The following RERE variants were observed in gnomAD, a reference collection of about 807,000 sequenced individuals.
RERE encodes arginine-glutamic acid dipeptide repeats.
RERE carries 40 observed loss-of-function variants against 146.1 expected under a neutral mutation model. The observed-to-expected ratio is 0.27, with a 90% CI of 0.21 to 0.36. RERE has a LOEUF of 0.36. Among genes scored for constraint, RERE ranks in the 10% least tolerant of loss-of-function variants. The probability of loss-of-function intolerance (pLI) is 1.00; values close to 1 mark genes in which losing one functional copy is unlikely to be tolerated. For synonymous variants in RERE, 1,003 were observed against 866.0 expected (o/e 1.16, Z -2.78); for missense variants, 1,933 against 2,138.7 (o/e 0.90, Z 1.90).
At position 8,798,587 on chromosome 1, in the gene RERE, C is replaced by T. The variant is rs1225465536; in HGVS notation, c.-145+18573G>A. On this transcript the variant is annotated intron_variant, in intron 1 of 22. Transcript: ENST00000400908. ...GAACACTGATGATGGCACCTCAGAT[C>T]GCCCTTACAGCCATGCTCTGGTGGC... 5 of 220,102 alleles carry T rather than the reference C, an allele frequency of 2.3e-5. No individual in the cohort carries two copies. In the South Asian group the frequency reaches 2.4e-4, roughly 11 times the overall value. 13.6% of individuals were successfully genotyped at this position (220,102 alleles called of 1,614,324 possible). A position where few individuals can be genotyped will look rare whatever the true frequency, so the allele number is the denominator to read the frequency against.
Position 8,360,719 on chromosome 1 carries a change from G to A in RERE, c.2788C>T (p.Pro930Ser), listed in dbSNP as rs1404382347. Reference sequence around the variant, plus strand: ...TGGGGGATGGGAGTGGTAGGCGGGGGCTTGATGTGGGGCATGGCCAAGGGC... The same window carrying A: ...TGGGGGATGGGAGTGGTAGGCGGGGACTTGATGTGGGGCATGGCCAAGGGC... ...PAPLAMPHIK[P>S]PPTTPIPQLP... Residue 930 changes from proline to serine, a missense_variant, in exon 18 of 23, where the codon CCC becomes TCC. Coordinates refer to ENST00000400908, the MANE Select transcript of RERE (RefSeq NM_001042681.2). 1.3e-6 allele frequency: 2 copies of A among 1,588,326 alleles called. No individual in the cohort carries two copies. Among genetic ancestry groups the A allele is most frequent in the Non-Finnish European group, 8.6e-7 (1 of 1,169,174 alleles).
At chr1:8,643,120 G>C (rs1236091266) in intron 2 of RERE, among the ~76,000 whole-genome samples, 2 of 152,268 alleles carry the variant, frequency 1.3e-5, no homozygotes, top group Middle Eastern at 3.4e-3. Context: ...TGTGAAAGGT[G>C]GGGGGATCCA....
At chr1:8,392,134 A>C (rs1246529090) in intron 12 of RERE, among the ~76,000 whole-genome samples, 2 of 152,242 alleles carry the variant, frequency 1.3e-5, no homozygotes, top group African/African-American at 4.8e-5. Context: ...ATCTTCAGTA[A>C]ATATCTGTAA....
chr1:8,503,087 A>AAAATAAATAAATAAAT (rs199506860), intron 8 of RERE, among the ~76,000 whole-genome samples: 2 of 144,600 alleles, frequency 1.4e-5, no homozygotes, highest in Admixed American at 6.9e-5. Flanking sequence ...TGATCAATTA[A>AAAATAAATAAATAAAT]AAATAAATAA....
At chr1:8,773,669 C>T (rs1479373909) in intron 1 of RERE, among the ~76,000 whole-genome samples, 2 of 152,098 alleles carry the variant, frequency 1.3e-5, no homozygotes, top group Non-Finnish European at 1.5e-5. Context: ...ACTAAAAACA[C>T]AAAAATTAGC....
intron 7 of RERE, among the ~76,000 whole-genome samples, chr1:8,526,477 A>C (rs1163666889): frequency 6.6e-6 from 1 of 152,168 alleles, no homozygotes; most frequent in Non-Finnish European, 1.5e-5. Context: ...TTGAAACTCT[A>C]AACATTTTGA....
At chr1:8,601,037 T>TTTTTTTA (rs1646617227) in intron 4 of RERE, among the ~76,000 whole-genome samples, 1 of 148,694 alleles carries the variant, frequency 6.7e-6, no homozygotes, top group Non-Finnish European at 1.5e-5. Context: ...TTTTTTTTTT[T>TTTTTTTA]GAGACAGAGT....
At chr1:8,469,864 G>A (rs994632854) in intron 10 of RERE, among the ~76,000 whole-genome samples, 1 of 152,164 alleles carries the variant, frequency 6.6e-6, no homozygotes, top group South Asian at 2.1e-4. Context: ...CCGTTTGTTA[G>A]AGAGCATGGC....
chr1:8,559,751 C>CA (rs1422678457), intron 4 of RERE, among the ~76,000 whole-genome samples: 3 of 152,162 alleles, frequency 2.0e-5, no homozygotes, highest in Non-Finnish European at 4.4e-5. Flanking sequence ...CATCTGCATG[C>CA]ATCAACGAAG....
chr1:8,554,834 G>C (rs1048832250), intron 6 of RERE, among the ~76,000 whole-genome samples: 1 of 151,418 alleles, frequency 6.6e-6, no homozygotes, highest in Non-Finnish European at 1.5e-5. Context: ...TAAGTCACCA[G>C]TCCCAGCTAA....
intron 1 of RERE, among the ~76,000 whole-genome samples, chr1:8,808,800 G>T (rs1048905135): frequency 6.6e-6 from 1 of 152,158 alleles, no homozygotes; most frequent in African/African-American, 2.4e-5. Context: ...TCCAGAGAGA[G>T]ATTTTCAAAA....
chr1:8,654,162 C>T (rs1214133375), intron 2 of RERE, among the ~76,000 whole-genome samples: 1 of 151,914 alleles, frequency 6.6e-6, no homozygotes, highest in East Asian at 1.9e-4. Flanking sequence ...ACCTCAGCCT[C>T]CTGAGTAGCT....
chr1:8,361,247 C>G lies in RERE; in HGVS notation c.2260G>C (p.Ala754Pro), dbSNP rs993955645. 1.3e-6 allele frequency: 2 copies of G among 1,563,338 alleles called. No individual in the cohort carries two copies. Among genetic ancestry groups the G allele is most frequent in the African/African-American group, 2.7e-5 (2 of 73,820 alleles). Reference sequence around the variant, plus strand: ...GGCAGCTGAGGGGTCCCTGGAGGAGCTGAGGAGGGAGCTGGGGTGACCCCA... The same window carrying G: ...GGCAGCTGAGGGGTCCCTGGAGGAGGTGAGGAGGGAGCTGGGGTGACCCCA... ...PTGVTPAPSS[A>P]PPGTPQLPTP... The change falls in exon 18 of 23, where the codon GCT (alanine) becomes CCT (proline). Residue 754 changes from alanine (A) to proline (P), a missense_variant. This residue lies in a region of RERE where 1,255 missense variants were observed against 1,153.8 expected (regional missense o/e 1.09). Coordinates refer to ENST00000400908, the MANE Select transcript of RERE (RefSeq NM_001042681.2).
chr1:8,507,735 A>ATATTTT (rs1404147445), intron 8 of RERE, among the ~76,000 whole-genome samples: 45 of 41,408 alleles, frequency 1.1e-3, no homozygotes, highest in Admixed American at 9.7e-3. Context: ...AACATCTTTT[A>ATATTTT]TCTTTTTTTT....
intron 1 of RERE, among the ~76,000 whole-genome samples, chr1:8,751,565 C>G (rs904251957): frequency 6.6e-6 from 1 of 152,068 alleles, no homozygotes; most frequent in Non-Finnish European, 1.5e-5. Context: ...TCTGATGATC[C>G]TCTCTGCACT....
chr1:8,370,638 G>GT (rs1642002189), intron 12 of RERE, among the ~76,000 whole-genome samples: 1 of 152,198 alleles, frequency 6.6e-6, no homozygotes, highest in South Asian at 2.1e-4. Flanking sequence ...TGGCATATTG[G>GT]TGACTGCATG....
At position 8,356,068 on chromosome 1, in the gene RERE, C is replaced by T; in HGVS notation, c.4486+32G>A. On this transcript the variant is annotated intron_variant, in intron 21 of 22. Transcript: ENST00000400908. This position sits in a 1 kb window ranked among gnomAD's most constrained non-coding sequence, Gnocchi z 5.2. ...AGACCCCAACCCAACCCTCACACGG[C>T]CTCCCCGCCCCTCCTGGAGGGGAAG... 1 of 1,463,446 alleles carries T rather than the reference C, an allele frequency of 6.8e-7. No homozygotes were observed. Among genetic ancestry groups the T allele is most frequent in the Non-Finnish European group, 9.0e-7 (1 of 1,110,412 alleles). 90.7% of individuals were successfully genotyped at this position (1,463,446 alleles called of 1,614,324 possible).
At chr1:8,605,759 A>AC (rs1326520424) in intron 4 of RERE, among the ~76,000 whole-genome samples, 2 of 149,656 alleles carry the variant, frequency 1.3e-5, no homozygotes, top group Non-Finnish European at 3.0e-5. Flanking sequence ...AAAAAAAAAA[A>AC]AAAAAAAAAA....
At chr1:8,727,908 G>C (rs1640003435) in intron 1 of RERE, among the ~76,000 whole-genome samples, 1 of 152,210 alleles carries the variant, frequency 6.6e-6, no homozygotes, top group East Asian at 1.9e-4. Context: ...AAACTGCAAA[G>C]ACTTCTAAAA....
Sources: allele counts gnomAD v4.1 joint callset (sites outside exome capture counted in the v4.1 genomes callset), GRCh38; gene constraint gnomAD v4.1.1; regional missense constraint gnomAD v4.1.1; non-coding constraint Gnocchi (gnomAD v3.1); transcripts MANE v1.5; gene names NCBI Gene and HGNC (gene_info 2026-07-23, HGNC 2026-07-21).